The following EDA variants were observed in gnomAD, a reference collection of about 807,000 sequenced individuals.
EDA encodes ectodysplasin-A.
EDA carries 2 observed loss-of-function variants against 23.6 expected under a neutral mutation model. The observed-to-expected ratio is 0.08, with a 90% CI of 0.03 to 0.27. The LOEUF (loss-of-function observed/expected upper bound fraction) is 0.27. Ranked by LOEUF, EDA falls within the 10% of genes least tolerant of loss-of-function variation. The probability of loss-of-function intolerance (pLI) is 1.00; values close to 1 mark genes in which losing one functional copy is unlikely to be tolerated. For missense variants in EDA, 229 were observed against 324.2 expected, an observed-to-expected ratio of 0.71 and a Z score of 2.26; for synonymous variants, 131 against 132.0, an observed-to-expected ratio of 0.99 and a Z score of 0.05.
chrX:69,950,498 G>C (rs1156229970), intron 1 of EDA, among the ~76,000 whole-genome samples: 1 of 76,881 alleles, frequency 1.3e-5, no homozygotes, highest in Non-Finnish European at 2.4e-5. Flanking sequence ...TGGTGGGACT[G>C]TAAACTAGTT....
intron 1 of EDA, among the ~76,000 whole-genome samples, chrX:69,805,249 C>T (rs1053053884): frequency 1.8e-5 from 2 of 111,326 alleles, no homozygotes; most frequent in Non-Finnish European, 1.9e-5. Context: ...TCTGGAGGGG[C>T]CAGAGTAGTT....
intron 2 of EDA, among the ~76,000 whole-genome samples, chrX:70,000,022 T>G (rs973966130): frequency 8.9e-6 from 1 of 111,746 alleles, no homozygotes; most frequent in Non-Finnish European, 1.9e-5. Context: ...AGGCATTTAA[T>G]AAAAATCTAA....
chrX:69,634,246 G>A (rs957232076), intron 1 of EDA, among the ~76,000 whole-genome samples: 1 of 111,681 alleles, frequency 9.0e-6, no homozygotes, highest in African/African-American at 3.3e-5. Flanking sequence ...AATGTATTCT[G>A]CATACTAAAC....
At chrX:69,942,750 A>T (rs2018779744) in intron 1 of EDA, among the ~76,000 whole-genome samples, 1 of 110,812 alleles carries the variant, frequency 9.0e-6, no homozygotes, top group Non-Finnish European at 1.9e-5. Flanking sequence ...CAGGTTTGGG[A>T]TGTTCTCTGT....
At chrX:69,886,832 C>T (rs2017836043) in intron 1 of EDA, among the ~76,000 whole-genome samples, 1 of 111,829 alleles carries the variant, frequency 8.9e-6, no homozygotes, top group South Asian at 3.7e-4. Context: ...ATTCCAGAGG[C>T]ATTCCATCAA....
At chrX:69,764,373 G>C (rs6625509) in intron 1 of EDA, among the ~76,000 whole-genome samples, 1 of 105,408 alleles carries the variant, frequency 9.5e-6, no homozygotes, top group African/African-American at 3.5e-5. Context: ...CACCTGAGTA[G>C]CTGGGATTAT....
At chrX:69,714,800 A>C (rs1277405910) in intron 1 of EDA, among the ~76,000 whole-genome samples, 1 of 111,210 alleles carries the variant, frequency 9.0e-6, no homozygotes, top group African/African-American at 3.3e-5. Flanking sequence ...TATATATGTT[A>C]AGTGTTAATA....
intron 1 of EDA, among the ~76,000 whole-genome samples, chrX:69,818,475 C>G (rs998146371): frequency 9.0e-6 from 1 of 111,241 alleles, no homozygotes; most frequent in African/African-American, 3.3e-5. Flanking sequence ...GCTAGCTAGA[C>G]TAATAAAGAA....
chrX:69,955,935 A>C (rs151009360), intron 1 of EDA, among the ~76,000 whole-genome samples: 196 of 112,230 alleles, frequency 1.7e-3, no homozygotes, highest in African/African-American at 5.8e-3. Flanking sequence ...TTATGATTCA[A>C]TTCAGCAAAT....
At chrX:69,619,778 A>T (rs898642199) in intron 1 of EDA, among the ~76,000 whole-genome samples, 7 of 112,206 alleles carry the variant, frequency 6.2e-5, no homozygotes, top group African/African-American at 2.3e-4. Flanking sequence ...ACTGTTGATC[A>T]TTCTGTGGAG....
chrX:69,777,153 G>GTTGTTGTTGTTC, intron 1 of EDA, among the ~76,000 whole-genome samples: 1 of 109,469 alleles, frequency 9.1e-6, no homozygotes, highest in Non-Finnish European at 1.9e-5. Context: ...TTTTGTTGTT[G>GTTGTTGTTGTTC]TTGTTGTTGT....
chrX:70,035,803 C>A lies in EDA; in HGVS notation c.*194C>A, dbSNP rs1418255512. On this transcript the variant is annotated 3_prime_UTR_variant, in exon 8 of 8. Transcript: ENST00000374552. ...ACTTTCCAGAATGACCTTGAGTTAA[C>A]AGGACAGTTGATGGAGCCCCAGGGT... 7 of 490,296 alleles carry A rather than the reference C, an allele frequency of 1.4e-5. No homozygotes were observed. Among genetic ancestry groups the A allele is most frequent in the Non-Finnish European group, 1.7e-5 (5 of 296,882 alleles). 40.4% of individuals were successfully genotyped at this position (490,296 alleles called of 1,213,427 possible).
At chrX:69,621,962 T>C (rs1932198921) in intron 1 of EDA, among the ~76,000 whole-genome samples, 2 of 111,309 alleles carry the variant, frequency 1.8e-5, no homozygotes, top group South Asian at 7.7e-4. Context: ...TCTCTCTATG[T>C]TGCCCAGACT....
At chrX:69,653,785 A>T (rs779704352) in intron 1 of EDA, among the ~76,000 whole-genome samples, 38 of 111,933 alleles carry the variant, frequency 3.4e-4, no homozygotes, top group Non-Finnish European at 6.2e-4. Context: ...CTTACACCTT[A>T]TACAAAAATT....
intron 1 of EDA, among the ~76,000 whole-genome samples, chrX:69,906,330 C>T (rs1021273559): frequency 5.9e-4 from 66 of 112,376 alleles, no homozygotes; most frequent in African/African-American, 2.1e-3. Context: ...ATAAGGGCCA[C>T]CTCCTTTCTA....
chrX:69,955,458 G>C (rs962025038), intron 1 of EDA, among the ~76,000 whole-genome samples: 30 of 111,535 alleles, frequency 2.7e-4, no homozygotes, highest in Admixed American at 5.7e-4. Context: ...AAGGATATTG[G>C]GTAAATCACA....
chrX:69,978,676 C>G (rs1431659310), intron 2 of EDA, among the ~76,000 whole-genome samples: 6 of 110,736 alleles, frequency 5.4e-5, no homozygotes, highest in Non-Finnish European at 1.1e-4. Flanking sequence ...AAAAGAAACC[C>G]TTTAGCTATT....
At chrX:69,632,732 A>G (rs1932647696) in intron 1 of EDA, among the ~76,000 whole-genome samples, 1 of 111,616 alleles carries the variant, frequency 9.0e-6, no homozygotes. Flanking sequence ...AATACCACCT[A>G]TGGATTTTAC....
chrX:69,934,299 C>T (rs774533096), intron 1 of EDA, among the ~76,000 whole-genome samples: 1 of 112,167 alleles, frequency 8.9e-6, no homozygotes, highest in Non-Finnish European at 1.9e-5. Context: ...CCTTGGGAAT[C>T]AATGCCTGAA....
Sources: gnomAD v4.1 joint callset for allele counts (sites outside exome capture counted in the v4.1 genomes callset) on GRCh38, gnomAD v4.1.1 for gene constraint, MANE v1.5 for transcripts, NCBI Gene and HGNC (gene_info 2026-07-23, HGNC 2026-07-21) for gene names.